Variants in PRKCE observed in about 807,000 individuals in gnomAD.
The protein encoded by PRKCE is protein kinase C epsilon.
PRKCE carries 16 observed loss-of-function variants against 85.4 expected under a neutral mutation model. That is an observed-to-expected ratio of 0.19 (90% CI 0.13 to 0.28). The LOEUF is 0.28. Ranked by LOEUF, PRKCE falls within the 10% of genes least tolerant of loss-of-function variation. The pLI is 1.00. For synonymous variants in PRKCE, 388 were observed against 371.5 expected, an observed-to-expected ratio of 1.04 and a Z score of -0.51; for missense variants, 573 against 975.2, an observed-to-expected ratio of 0.59 and a Z score of 5.49.
intron 6 of PRKCE, among the ~76,000 whole-genome samples, chr2:45,991,360 G>A (rs749752586): frequency 2.1e-5 from 3 of 144,348 alleles, no homozygotes; most frequent in Non-Finnish European, 4.6e-5. Flanking sequence ...CATGAGGACA[G>A]AGATTTTTTT....
At chr2:46,100,856 T>TTTCTC (rs146774630) in intron 11 of PRKCE, among the ~76,000 whole-genome samples, 6,133 of 151,466 alleles carry the variant, frequency 0.04, 434 homozygotes, top group African/African-American at 0.14. Flanking sequence ...CCTTTTCTTT[T>TTTCTC]TTCTCTTCTC....
intron 10 of PRKCE, among the ~76,000 whole-genome samples, chr2:46,019,010 A>G (rs970127015): frequency 1.3e-5 from 2 of 152,188 alleles, no homozygotes; most frequent in Non-Finnish European, 2.9e-5. Flanking sequence ...GCCTCCTTCT[A>G]TTTTTATTTC....
chr2:46,028,172 C>T (rs1707261528), intron 10 of PRKCE, among the ~76,000 whole-genome samples: 1 of 152,076 alleles, frequency 6.6e-6, no homozygotes, highest in South Asian at 2.1e-4. Context: ...AAACTCTTGA[C>T]CTCAAGTGAT....
chr2:46,002,303 C>T (rs747888650), intron 7 of PRKCE, among the ~76,000 whole-genome samples: 5 of 152,272 alleles, frequency 3.3e-5, no homozygotes, highest in South Asian at 2.1e-4. Context: ...GCAGAAAATC[C>T]GGGTGAAGGG....
intron 9 of PRKCE, among the ~76,000 whole-genome samples, 162 bp downstream of exon 9, chr2:46,007,823 C>T (rs551283519): frequency 8.5e-4 from 129 of 152,276 alleles, no homozygotes; most frequent in Non-Finnish European, 1.3e-3. Context: ...TAGATAGGAG[C>T]GCTGGTTCTG....
At position 45,652,825 on chromosome 2, in the gene PRKCE, C is replaced by T. The variant is rs1254999893; in HGVS notation, c.348+377C>T. 6.6e-6 allele frequency among the ~76,000 whole-genome samples: 1 copy of T among 152,158 alleles called. No individual in the cohort carries two copies. Among genetic ancestry groups the T allele is most frequent in the Admixed American group, 6.5e-5 (1 of 15,284 alleles). On this transcript the variant is annotated intron_variant, in intron 1 of 14. Coordinates refer to ENST00000306156, the MANE Select transcript of PRKCE (RefSeq NM_005400.3). This position sits in a 1 kb window ranked among gnomAD's most constrained non-coding sequence, Gnocchi z 7.7. ...TTGTGTGTGGGTGGGTCCCTCCGTC[C>T]TTGGAAAGGCACGTGGAGCCTTTGA...
chr2:45,899,839 T>C (rs191596378), intron 2 of PRKCE, among the ~76,000 whole-genome samples: 4 of 152,336 alleles, frequency 2.6e-5, no homozygotes, highest in Non-Finnish European at 5.9e-5. Context: ...TGACACCACC[T>C]GGGGAGAAAG....
chr2:45,938,772 A>G (rs975538116), intron 2 of PRKCE, among the ~76,000 whole-genome samples: 1 of 152,192 alleles, frequency 6.6e-6, no homozygotes, highest in Non-Finnish European at 1.5e-5. Context: ...TTATATTTAC[A>G]AAGTCGTGCC....
chr2:45,910,090 A>C (rs1338549599), intron 2 of PRKCE, among the ~76,000 whole-genome samples: 2 of 151,908 alleles, frequency 1.3e-5, no homozygotes, highest in African/African-American at 2.4e-5. Context: ...GGATACCTCA[A>C]CTCATGCTAC....
chr2:46,143,866 G>C lies in PRKCE; in HGVS notation c.1593-1227G>C, dbSNP rs1341291642. Among the ~76,000 whole-genome samples the C allele has an allele frequency of 4.6e-5, 7 of 152,326 alleles. No homozygotes were observed. The East Asian group carries it at 1.4e-3, about 29-fold the overall frequency. On this transcript the variant is annotated intron_variant, in intron 11 of 14. Coordinates refer to ENST00000306156, the MANE Select transcript of PRKCE (RefSeq NM_005400.3). ...GGGGTCGTGGCTACAATGCAGGCTG[G>C]TCCTAAAGTGCTTCCTGCCCCACCT...
Position 46,159,816 on chromosome 2 carries a change from G to A in PRKCE, c.2067+64G>A, listed in dbSNP as rs1677577879. Reference sequence around the variant, plus strand: ...GGCCCAGGTACTTGCAGGACAGGCTGCGTGCACCCAGGAAGAGTTGGTCAG... The same window carrying A: ...GGCCCAGGTACTTGCAGGACAGGCTACGTGCACCCAGGAAGAGTTGGTCAG... On this transcript the variant is annotated intron_variant, in intron 14 of 14. Coordinates refer to ENST00000306156, the MANE Select transcript of PRKCE (RefSeq NM_005400.3). This position sits in a 1 kb window ranked among gnomAD's most constrained non-coding sequence, Gnocchi z 4.1. The A allele has an allele frequency of 1.9e-6, 3 of 1,579,768 alleles. No homozygotes were observed. The highest frequency in any genetic ancestry group is 2.6e-6 in the Non-Finnish European group (3 of 1,170,852).
intron 3 of PRKCE, among the ~76,000 whole-genome samples, chr2:45,977,501 G>A (rs1364104767): frequency 1.3e-5 from 2 of 151,992 alleles, no homozygotes; most frequent in African/African-American, 2.4e-5. Flanking sequence ...GCTGGCCATG[G>A]TGGTGTGCGC....
At chr2:46,078,087 T>C (rs1424796297) in intron 10 of PRKCE, 1 of 152,194 alleles carries the variant, frequency 6.6e-6, no homozygotes, top group Non-Finnish European at 1.5e-5. Context: ...GGATTGCTTG[T>C]TTATCTTTTT....
chr2:45,778,725 A>G (rs1685952368), intron 1 of PRKCE, among the ~76,000 whole-genome samples: 1 of 152,220 alleles, frequency 6.6e-6, no homozygotes, highest in South Asian at 2.1e-4. Context: ...CAGAGGATGT[A>G]TGTTCCCGGC....
chr2:45,997,909 C>G (rs1372931123), intron 6 of PRKCE, among the ~76,000 whole-genome samples: 1 of 152,100 alleles, frequency 6.6e-6, no homozygotes, highest in Non-Finnish European at 1.5e-5. Flanking sequence ...TCTTTTCTCA[C>G]TCATATGCTA....
chr2:46,023,875 C>T (rs1227241173), intron 10 of PRKCE, among the ~76,000 whole-genome samples: 1 of 118,330 alleles, frequency 8.5e-6, no homozygotes, highest in Non-Finnish European at 1.7e-5. Flanking sequence ...GGCTCAATAA[C>T]AAAAATGGCA....
At chr2:45,976,042 G>A (rs1246693389) in intron 2 of PRKCE, among the ~76,000 whole-genome samples, 1 of 152,178 alleles carries the variant, frequency 6.6e-6, no homozygotes, top group Non-Finnish European at 1.5e-5. Flanking sequence ...CTCAGGGGGA[G>A]GAAACACCAC....
At chr2:46,073,585 A>G (rs1310215907) in intron 10 of PRKCE, 1 of 151,926 alleles carries the variant, frequency 6.6e-6, no homozygotes, top group Non-Finnish European at 1.5e-5. Context: ...AGTGTCTGAC[A>G]CCACACTGAC....
chr2:46,015,254 G>A (rs1706026641), intron 10 of PRKCE, among the ~76,000 whole-genome samples: 1 of 151,986 alleles, frequency 6.6e-6, no homozygotes, highest in African/African-American at 2.4e-5. Context: ...TACAGGAAAT[G>A]AAATTCCCAG....
Sources: allele counts gnomAD v4.1 joint callset (sites outside exome capture counted in the v4.1 genomes callset), GRCh38; gene constraint gnomAD v4.1.1; non-coding constraint Gnocchi (gnomAD v3.1); transcripts MANE v1.5; gene names NCBI Gene and HGNC (gene_info 2026-07-23, HGNC 2026-07-21).